Variants in CNOT6L observed in about 807,000 individuals in gnomAD.
CNOT6L encodes CCR4-NOT transcription complex subunit 6-like.
CNOT6L carries 7 observed loss-of-function variants against 64.0 expected under a neutral mutation model. The observed-to-expected ratio is 0.11, with a 90% confidence interval of 0.06 to 0.21. The LOEUF (loss-of-function observed/expected upper bound fraction) is 0.21, where lower values mean the gene tolerates loss of function less well. CNOT6L is among the 10% of genes least tolerant of loss of function. The pLI is 1.00. For synonymous variants in CNOT6L, 193 were observed against 243.4 expected, an observed-to-expected ratio of 0.79 and a Z score of 1.93; for missense variants, 245 against 669.0, an observed-to-expected ratio of 0.37 and a Z score of 6.99.
intron 1 of CNOT6L, among the ~76,000 whole-genome samples, chr4:77,806,630 G>A (rs1388928911): frequency 6.6e-6 from 1 of 152,070 alleles, no homozygotes; most frequent in African/African-American, 2.4e-5. Flanking sequence ...TGTGTATTAA[G>A]AGAACCCAAG....
At chr4:77,818,426 C>T (rs1299681119) in intron 1 of CNOT6L, among the ~76,000 whole-genome samples, 1 of 152,040 alleles carries the variant, frequency 6.6e-6, no homozygotes, top group Admixed American at 6.5e-5. Flanking sequence ...CTCAGCCCTT[C>T]CAAGAAAATG....
chr4:77,748,420 G>A (rs761556404), intron 5 of CNOT6L, 36 bp from the exon 6 acceptor site: 1 of 1,331,744 alleles, frequency 7.5e-7, no homozygotes. Context: ...TTAATTTCAT[G>A]TGTTTCTGAA....
intron 1 of CNOT6L, among the ~76,000 whole-genome samples, chr4:77,796,431 A>C (rs1730860765): frequency 6.6e-6 from 1 of 151,662 alleles, no homozygotes; most frequent in African/African-American, 2.4e-5. Context: ...CTCATTAGAG[A>C]TTGTTGCTTG....
intron 1 of CNOT6L, among the ~76,000 whole-genome samples, chr4:77,787,392 T>C (rs1463449074): frequency 6.6e-6 from 1 of 152,208 alleles, no homozygotes; most frequent in Admixed American, 6.5e-5. Context: ...AGTGGGCCTA[T>C]ATCCTCTAAT....
chr4:77,765,167 A>G (rs1726681122), intron 4 of CNOT6L, among the ~76,000 whole-genome samples: 1 of 152,162 alleles, frequency 6.6e-6, no homozygotes, highest in Non-Finnish European at 1.5e-5. Context: ...CACCAGCTCC[A>G]TGACAGTTTA....
chr4:77,743,573 T>C (rs1241914527), intron 7 of CNOT6L, among the ~76,000 whole-genome samples: 4 of 146,930 alleles, frequency 2.7e-5, no homozygotes, highest in African/African-American at 7.5e-5. Flanking sequence ...ATGTGTGAAA[T>C]TGTAACACAC....
At chr4:77,743,856 C>T (rs1001224385) in intron 7 of CNOT6L, among the ~76,000 whole-genome samples, 1 of 152,066 alleles carries the variant, frequency 6.6e-6, no homozygotes, top group Non-Finnish European at 1.5e-5. Context: ...CCCGCCTCGG[C>T]CTCCCAGAGT....
intron 1 of CNOT6L, among the ~76,000 whole-genome samples, chr4:77,781,823 T>C (rs999591860): frequency 1.3e-5 from 2 of 152,226 alleles, no homozygotes; most frequent in African/African-American, 4.8e-5. Flanking sequence ...TCTCAGTCTG[T>C]AGTTTGGCAC....
chr4:77,763,916 A>G (rs529608385), intron 4 of CNOT6L, among the ~76,000 whole-genome samples: 2 of 152,370 alleles, frequency 1.3e-5, no homozygotes, highest in Admixed American at 6.5e-5. Flanking sequence ...CATATTAAAA[A>G]TACTTAGACC....
chr4:77,788,437 AG>A (rs1729706961), intron 1 of CNOT6L, among the ~76,000 whole-genome samples: 1 of 152,228 alleles, frequency 6.6e-6, no homozygotes, highest in Non-Finnish European at 1.5e-5. Flanking sequence ...TTATAATAAT[AG>A]GCAATTCGGC....
rs200004199 is a variant in CNOT6L at position 77,783,208 on chromosome 4, GA to G, written c.6-6817del. ...AATGGCAAAGTCACTCATCATTATT[GA>G]AAAAAATAACCTTCAGACTTTTGAA... On this transcript the variant is annotated intron_variant, in intron 1 of 11. Coordinates refer to ENST00000504123, the MANE Select transcript of CNOT6L (RefSeq NM_144571.3). Among the ~76,000 whole-genome samples, 398 of 136,370 alleles carry G rather than the reference GA, an allele frequency of 2.9e-3. 2 individuals are homozygous for G. Among genetic ancestry groups the G allele is most frequent in the South Asian group, 0.021 (86 of 4,166 alleles). The allele number at this position is 136,370 out of a possible 152,430, so 89.5% of individuals were successfully genotyped here.
At chr4:77,750,503 C>T (rs1202536934) in intron 5 of CNOT6L, among the ~76,000 whole-genome samples, 2 of 152,026 alleles carry the variant, frequency 1.3e-5, no homozygotes, top group African/African-American at 2.4e-5. Flanking sequence ...TGGCGCCCAC[C>T]ACCACACCCA....
intron 1 of CNOT6L, among the ~76,000 whole-genome samples, chr4:77,813,409 A>G (rs1587563): frequency 0.58 from 87,763 of 151,926 alleles, 25,809 homozygotes; most frequent in Non-Finnish European, 0.62. Flanking sequence ...AGCAAAAATA[A>G]TAACAAGAAT....
At position 77,719,106 on chromosome 4, in the gene CNOT6L, A is replaced by G. The variant is rs1326326462; in HGVS notation, c.*1325T>C. On this transcript the variant is annotated 3_prime_UTR_variant, in exon 12 of 12. Transcript: ENST00000504123. Reference sequence around the variant, plus strand: ...AACCTTTTCCTGTTACTGTGCCATAATTAACATCAAGTAGCCAACCAATTT... The same window carrying G: ...AACCTTTTCCTGTTACTGTGCCATAGTTAACATCAAGTAGCCAACCAATTT... 1 of 152,618 alleles carries G rather than the reference A, an allele frequency of 6.6e-6. No individual in the cohort carries two copies. Among genetic ancestry groups the G allele is most frequent in the African/African-American group, 2.4e-5 (1 of 41,448 alleles). The allele number at this position is 152,618 out of a possible 1,614,324, so 9.5% of individuals were successfully genotyped here. A position where few individuals can be genotyped will look rare whatever the true frequency, so the allele number is the denominator to read the frequency against.
At chr4:77,759,083 G>A (rs764873847) in intron 4 of CNOT6L, among the ~76,000 whole-genome samples, 5 of 151,942 alleles carry the variant, frequency 3.3e-5, no homozygotes, top group Admixed American at 1.3e-4. Context: ...GCCAGAAAGA[G>A]AGATTAGAGA....
Position 77,720,400 on chromosome 4 carries a change from C to G in CNOT6L, c.*31G>C, listed in dbSNP as rs1175160099. The stretch of plus-strand genomic sequence containing the variant: ...TTACAACTGTACAGGTCCATAGCAA[C>G]AGATCCCCGTCTTGGCGGGGCAGTA... On this transcript the variant is annotated 3_prime_UTR_variant, in exon 12 of 12. Coordinates refer to ENST00000504123, the MANE Select transcript of CNOT6L (RefSeq NM_144571.3). 1 of 1,611,020 alleles carries G rather than the reference C, an allele frequency of 6.2e-7. No individual in the cohort carries two copies. Among genetic ancestry groups the G allele is most frequent in the African/African-American group, 1.3e-5 (1 of 74,866 alleles).
intron 1 of CNOT6L, among the ~76,000 whole-genome samples, chr4:77,782,732 A>G (rs1350261259): frequency 6.6e-6 from 1 of 150,652 alleles, no homozygotes; most frequent in Non-Finnish European, 1.5e-5. Context: ...CTCCTGCCTC[A>G]GCCTCCCAAG....
chr4:77,819,141 C>T, intron 1 of CNOT6L, 163 bp downstream of exon 1: 1 of 1,400,408 alleles, frequency 7.1e-7, no homozygotes, highest in Non-Finnish European at 9.9e-7. Context: ...AGTCACCCGA[C>T]ACACACCCAC....
intron 1 of CNOT6L, among the ~76,000 whole-genome samples, chr4:77,797,519 G>A (rs2110130606): frequency 6.6e-6 from 1 of 152,282 alleles, no homozygotes; most frequent in South Asian, 2.1e-4. Flanking sequence ...TTATCAGACT[G>A]TCAGTCTCAC....
Sources: allele counts gnomAD v4.1 joint callset (sites outside exome capture counted in the v4.1 genomes callset), GRCh38; gene constraint gnomAD v4.1.1; transcripts MANE v1.5; gene names NCBI Gene and HGNC (gene_info 2026-07-23, HGNC 2026-07-21).